CPE: variants seen among roughly 807,000 people sequenced by gnomAD.
CPE encodes the protein carboxypeptidase E.
In CPE, 17 loss-of-function variants were observed where a neutral mutation model predicts 53.5. That is an observed-to-expected ratio of 0.32 (90% CI 0.22 to 0.48). The LOEUF (loss-of-function observed/expected upper bound fraction) is 0.48, where lower values mean the gene tolerates loss of function less well. CPE is among the 20% of genes least tolerant of loss of function. The probability of loss-of-function intolerance (pLI) is 0.99; values close to 1 mark genes in which losing one functional copy is unlikely to be tolerated. For missense variants in CPE, 524 were observed against 614.7 expected, an observed-to-expected ratio of 0.85 and a Z score of 1.56; for synonymous variants, 226 against 228.8, an observed-to-expected ratio of 0.99 and a Z score of 0.11.
intron 1 of CPE, among the ~76,000 whole-genome samples, chr4:165,389,818 G>A (rs1172261495): frequency 1.3e-5 from 2 of 152,162 alleles, no homozygotes; most frequent in Admixed American, 6.5e-5. Flanking sequence ...TATTGTCAGT[G>A]CTTTATTTTC....
chr4:165,425,359 T>C lies in CPE; in HGVS notation c.308-39031T>C, dbSNP rs563484522. Among the ~76,000 whole-genome samples the C allele has an allele frequency of 3.6e-4, 55 of 152,308 alleles. 1 individual carries two copies. The highest frequency in any genetic ancestry group is 6.8e-3 in the Middle Eastern group (2 of 294). ...TGTTAAAAAAAATTACTATTTCTTC[T>C]TCACTACATCTTCTAGTTTCTTGAA... On this transcript the variant is annotated intron_variant, in intron 1 of 8. Transcript: ENST00000402744.
intron 1 of CPE, chr4:165,405,588 C>G (rs1730940344): frequency 2.5e-6 from 2 of 810,314 alleles, no homozygotes; most frequent in Non-Finnish European, 4.4e-6. Context: ...AATCCCTTGT[C>G]TCTCTTTGGA....
At chr4:165,490,912 G>C (rs1385503868) in intron 6 of CPE, among the ~76,000 whole-genome samples, 1 of 152,180 alleles carries the variant, frequency 6.6e-6, no homozygotes, top group Admixed American at 6.5e-5. Context: ...ATCATTGCAG[G>C]CACCGCAAGT....
chr4:165,455,735 C>T (rs1382619593), intron 1 of CPE, among the ~76,000 whole-genome samples: 1 of 151,856 alleles, frequency 6.6e-6, no homozygotes, highest in Non-Finnish European at 1.5e-5. Context: ...TCACTGCAAC[C>T]TCTGCCTCCT....
intron 1 of CPE, among the ~76,000 whole-genome samples, chr4:165,392,931 A>G (rs1000690166): frequency 3.3e-5 from 5 of 150,136 alleles, no homozygotes; most frequent in Non-Finnish European, 7.4e-5. Flanking sequence ...GTATATAATT[A>G]TAAGTAGAAT....
At chr4:165,401,532 GAT>G (rs1388589834) in intron 1 of CPE, among the ~76,000 whole-genome samples, 1 of 152,244 alleles carries the variant, frequency 6.6e-6, no homozygotes, top group Non-Finnish European at 1.5e-5. Flanking sequence ...TGTCACGTAA[GAT>G]TTATGTGCGG....
At chr4:165,468,662 A>G (rs1732149044) in intron 3 of CPE, among the ~76,000 whole-genome samples, 1 of 152,074 alleles carries the variant, frequency 6.6e-6, no homozygotes, top group South Asian at 2.1e-4. Context: ...TTCTTCTGCA[A>G]ACTCATTCCC....
In CPE at chr4:165,410,101, T is replaced by C. The variant is rs373815484; in HGVS notation, c.307+30573T>C. Among the ~76,000 whole-genome samples the C allele has an allele frequency of 1.2e-4, 18 of 151,978 alleles. No homozygotes were observed. The East Asian group carries it at 2.5e-3, about 21-fold the overall frequency. On this transcript the variant is annotated intron_variant, in intron 1 of 8. Transcript: ENST00000402744. Reference sequence around the variant, plus strand: ...CTTTCTTTACTAAAAATACAAAAATTAGCTGGGTGTGGTGGTGGGCGCCTG... The same window carrying C: ...CTTTCTTTACTAAAAATACAAAAATCAGCTGGGTGTGGTGGTGGGCGCCTG...
chr4:165,401,308 A>G (rs1730864479), intron 1 of CPE, among the ~76,000 whole-genome samples: 1 of 152,226 alleles, frequency 6.6e-6, no homozygotes, highest in Admixed American at 6.5e-5. Context: ...CCGGTGAAGG[A>G]AAAATATAAC....
chr4:165,441,561 G>C (rs912800519), intron 1 of CPE, among the ~76,000 whole-genome samples: 5 of 152,106 alleles, frequency 3.3e-5, no homozygotes, highest in Non-Finnish European at 7.4e-5. Flanking sequence ...ATAACTTTCA[G>C]GGTGGGCATT....
intron 2 of CPE, among the ~76,000 whole-genome samples, chr4:165,465,891 TAAATC>T (rs1405176107): frequency 2.0e-5 from 3 of 152,330 alleles, no homozygotes; most frequent in South Asian, 2.1e-4. Context: ...ATATTTTACT[TAAATC>T]TAATTATAGA....
At chr4:165,456,549 T>C (rs1413439938) in intron 1 of CPE, among the ~76,000 whole-genome samples, 2 of 141,270 alleles carry the variant, frequency 1.4e-5, no homozygotes, top group Non-Finnish European at 3.0e-5. Flanking sequence ...TTTGTTTCTC[T>C]CTCTCTTTCT....
chr4:165,420,264 A>G (rs1161426609), intron 1 of CPE, among the ~76,000 whole-genome samples: 1 of 152,170 alleles, frequency 6.6e-6, no homozygotes, highest in Non-Finnish European at 1.5e-5. Flanking sequence ...TAAATCTGAG[A>G]AAAAGTGAAT....
At chr4:165,484,187 A>G (rs759740285) in intron 4 of CPE, among the ~76,000 whole-genome samples, 1 of 152,174 alleles carries the variant, frequency 6.6e-6, no homozygotes, top group African/African-American at 2.4e-5. Context: ...CTTTCAACTC[A>G]TAAGTAGAAT....
intron 1 of CPE, among the ~76,000 whole-genome samples, chr4:165,413,411 T>A (rs981181507): frequency 2.0e-5 from 3 of 152,174 alleles, no homozygotes; most frequent in African/African-American, 7.2e-5. Context: ...GTAAGGCATT[T>A]GTACATGTAA....
intron 1 of CPE, among the ~76,000 whole-genome samples, chr4:165,389,412 T>C (rs1730645242): frequency 6.6e-6 from 1 of 152,234 alleles, no homozygotes; most frequent in African/African-American, 2.4e-5. Context: ...AGGTTGGTTC[T>C]TGTAAAAAAT....
chr4:165,382,565 A>T (rs1458323270), intron 1 of CPE, among the ~76,000 whole-genome samples: 2 of 152,202 alleles, frequency 1.3e-5, no homozygotes, highest in Non-Finnish European at 2.9e-5. Context: ...TCTTTTCCTG[A>T]ACATTAAAAA....
intron 1 of CPE, among the ~76,000 whole-genome samples, chr4:165,429,028 G>C (rs67683477): frequency 0.3 from 44,992 of 151,990 alleles, 6,748 homozygotes; most frequent in Middle Eastern, 0.39. Context: ...TTAATCAATT[G>C]TGTCACTCTC....
intron 1 of CPE, among the ~76,000 whole-genome samples, chr4:165,440,465 CACA>C (rs747499526): frequency 2.5e-4 from 31 of 126,428 alleles, no homozygotes; most frequent in Non-Finnish European, 3.7e-4. Context: ...CCCCCCCCCA[CACA>C]CACAAGCTGT....
Sources: allele counts gnomAD v4.1 joint callset (sites outside exome capture counted in the v4.1 genomes callset), GRCh38; gene constraint gnomAD v4.1.1; transcripts MANE v1.5; gene names NCBI Gene and HGNC (gene_info 2026-07-23, HGNC 2026-07-21).